Variants in TIAM1 observed in about 807,000 individuals in gnomAD.
The protein encoded by TIAM1 is TIAM Rac1 associated GEF 1, also known as rho guanine nucleotide exchange factor TIAM1.
TIAM1 carries 65 observed loss-of-function variants against 163.5 expected under a neutral mutation model. That is an observed-to-expected ratio of 0.40 (90% confidence interval 0.33 to 0.49). The LOEUF (loss-of-function observed/expected upper bound fraction) is 0.49. TIAM1 is among the 20% of genes least tolerant of loss of function. The pLI, the probability that TIAM1 is intolerant of heterozygous loss-of-function variation, is 0.77. For synonymous variants in TIAM1, 833 were observed against 810.1 expected (o/e 1.03, Z -0.48); for missense variants, 1,789 against 2,044.7 (o/e 0.87, Z 2.41).
chr21:31,154,586 T>C (rs1333558037), intron 16 of TIAM1, among the ~76,000 whole-genome samples, 160 bp from the exon 17 acceptor site: 1 of 152,222 alleles, frequency 6.6e-6, no homozygotes, highest in Non-Finnish European at 1.5e-5. Flanking sequence ...GGAGAGCTTC[T>C]TGAATGCTCA....
intron 2 of TIAM1, among the ~76,000 whole-genome samples, chr21:31,363,205 C>G (rs1249108937): frequency 6.6e-6 from 1 of 152,144 alleles, no homozygotes; most frequent in Non-Finnish European, 1.5e-5. Context: ...TTGGTTCAAG[C>G]TGGCCTGAGA....
At position 31,210,635 on chromosome 21, in the gene TIAM1, A is replaced by G. The variant is rs1279536485; in HGVS notation, c.2218-420T>C. On this transcript the variant is annotated intron_variant, in intron 10 of 27. Coordinates refer to ENST00000541036, the MANE Select transcript of TIAM1 (RefSeq NM_001353694.2). ...GAAGGGAGAAAGAAAGAAAGAAAGA[A>G]AGAAAGAAAGAAAGAAAGAAAGAAA... Among the ~76,000 whole-genome samples the G allele has an allele frequency of 9.3e-3, 248 of 26,762 alleles. 13 individuals carry two copies. The highest frequency in any genetic ancestry group is 0.02 in the East Asian group (29 of 1,428). The allele number at this position is 26,762 out of a possible 152,430, so 17.6% of individuals were successfully genotyped here. A position where few individuals can be genotyped will look rare whatever the true frequency, so the allele number is the denominator to read the frequency against.
At chr21:31,232,428 G>A (rs79579218) in intron 6 of TIAM1, among the ~76,000 whole-genome samples, 3,047 of 152,216 alleles carry the variant, frequency 0.02, 120 homozygotes, top group African/African-American at 0.069. Context: ...TTCAATAAAT[G>A]AGCTTTTCTG....
chr21:31,317,153 C>T (rs1448418530), intron 2 of TIAM1, among the ~76,000 whole-genome samples: 3 of 152,138 alleles, frequency 2.0e-5, no homozygotes, highest in Admixed American at 6.5e-5. Flanking sequence ...AGTGGATTGA[C>T]GACACTTAAA....
At chr21:31,187,438 C>T (rs2085355547) in intron 13 of TIAM1, among the ~76,000 whole-genome samples, 1 of 152,148 alleles carries the variant, frequency 6.6e-6, no homozygotes, top group East Asian at 1.9e-4. Flanking sequence ...ACCTCAAAGT[C>T]CCCAGACGTT....
At chr21:31,371,525 T>C (rs978372974) in intron 2 of TIAM1, among the ~76,000 whole-genome samples, 1 of 152,234 alleles carries the variant, frequency 6.6e-6, no homozygotes. Context: ...AATTTGTTCC[T>C]GCATGTTTTT....
At position 31,118,882 on chromosome 21, in the gene TIAM1, A is replaced by C; in HGVS notation, c.*1486T>G. The C allele has an allele frequency of 3.0e-6, 1 of 335,178 alleles. No individual in the cohort carries two copies. Among genetic ancestry groups the C allele is most frequent in the Non-Finnish European group, 5.8e-6 (1 of 171,814 alleles). 20.8% of individuals were successfully genotyped at this position (335,178 alleles called of 1,614,324 possible). A position where few individuals can be genotyped will look rare whatever the true frequency, so the allele number is the denominator to read the frequency against. The stretch of plus-strand genomic sequence containing the variant: ...GAAAAGCAGGCAGAGGCACAAGAGC[A>C]TGATGTACTGAACTCTCTATTGTCT... On this transcript the variant is annotated 3_prime_UTR_variant, in exon 28 of 28. Coordinates refer to ENST00000541036, the MANE Select transcript of TIAM1 (RefSeq NM_001353694.2).
chr21:31,521,920 G>A (rs2047609085), intron 1 of TIAM1, among the ~76,000 whole-genome samples: 1 of 152,088 alleles, frequency 6.6e-6, no homozygotes, highest in African/African-American at 2.4e-5. Context: ...CGCCCAGGCT[G>A]GAGTGCAGTT....
At chr21:31,323,755 C>T (rs938635697) in intron 2 of TIAM1, among the ~76,000 whole-genome samples, 6 of 152,162 alleles carry the variant, frequency 3.9e-5, no homozygotes, top group Non-Finnish European at 8.8e-5. Context: ...CGCTAGAGCC[C>T]GGGAGGCAGA....
At chr21:31,510,126 A>G (rs1163706056) in intron 1 of TIAM1, among the ~76,000 whole-genome samples, 4 of 152,228 alleles carry the variant, frequency 2.6e-5, no homozygotes, top group Admixed American at 2.0e-4. Flanking sequence ...TAGGCTTGCC[A>G]TAACAAAATA....
intron 15 of TIAM1, among the ~76,000 whole-genome samples, chr21:31,175,506 CCATTT>C (rs1448429184): frequency 6.6e-6 from 1 of 152,130 alleles, no homozygotes; most frequent in Non-Finnish European, 1.5e-5. Flanking sequence ...TTACATAATT[CCATTT>C]ATTTTTTCTT....
intron 2 of TIAM1, among the ~76,000 whole-genome samples, chr21:31,457,398 G>A (rs1035572726): frequency 6.6e-6 from 1 of 152,136 alleles, no homozygotes; most frequent in African/African-American, 2.4e-5. Context: ...GACATTAACA[G>A]GACATTTAAT....
intron 20 of TIAM1, among the ~76,000 whole-genome samples, chr21:31,146,124 A>C (rs1181289636): frequency 6.6e-6 from 1 of 152,124 alleles, no homozygotes; most frequent in Non-Finnish European, 1.5e-5. Flanking sequence ...GCAAGGTAAA[A>C]CTTTCATTAC....
intron 1 of TIAM1, among the ~76,000 whole-genome samples, chr21:31,545,178 T>A (rs1456530759): frequency 6.6e-6 from 1 of 152,020 alleles, no homozygotes; most frequent in Non-Finnish European, 1.5e-5. Flanking sequence ...GGGGGAGATG[T>A]GGAAACAGAC....
intron 2 of TIAM1, among the ~76,000 whole-genome samples, chr21:31,312,876 T>C (rs2074982156): frequency 6.6e-6 from 1 of 151,868 alleles, no homozygotes; most frequent in African/African-American, 2.4e-5. Flanking sequence ...AATATGAAAA[T>C]AGGAAAAAAG....
chr21:31,507,725 C>T (rs2047079710), intron 1 of TIAM1, among the ~76,000 whole-genome samples: 1 of 152,182 alleles, frequency 6.6e-6, no homozygotes, highest in Non-Finnish European at 1.5e-5. Flanking sequence ...AATCAGATCA[C>T]AGGCAGCTAT....
intron 2 of TIAM1, among the ~76,000 whole-genome samples, chr21:31,316,843 C>T (rs951445576): frequency 2.0e-5 from 3 of 152,104 alleles, no homozygotes; most frequent in Non-Finnish European, 2.9e-5. Flanking sequence ...GGTTGGACCA[C>T]CGTGGATCGT....
At chr21:31,267,515 C>CA (rs145367361) in intron 3 of TIAM1, among the ~76,000 whole-genome samples, 2 of 118,142 alleles carry the variant, frequency 1.7e-5, no homozygotes, top group Middle Eastern at 4.6e-3. Flanking sequence ...TTCGTTTTTT[C>CA]ATTTTTTTTT....
chr21:31,490,919 G>A (rs1048389007), intron 1 of TIAM1, among the ~76,000 whole-genome samples: 1 of 152,190 alleles, frequency 6.6e-6, no homozygotes, highest in Non-Finnish European at 1.5e-5. Context: ...GAGGTCTGGA[G>A]ATCCAGACCA....
Sources: allele counts gnomAD v4.1 joint callset (sites outside exome capture counted in the v4.1 genomes callset), GRCh38; gene constraint gnomAD v4.1.1; transcripts MANE v1.5; gene names NCBI Gene and HGNC (gene_info 2026-07-23, HGNC 2026-07-21).